The following DTNA variants were observed in gnomAD, a reference collection of about 807,000 sequenced individuals.
DTNA encodes the protein dystrobrevin alpha.
In DTNA, 43 loss-of-function variants were observed where a neutral mutation model predicts 100.7. That is an observed-to-expected ratio of 0.43 (90% CI 0.33 to 0.55). DTNA has a LOEUF of 0.55. Among genes scored for constraint, DTNA ranks in the 20% least tolerant of loss-of-function variants. The probability of loss-of-function intolerance (pLI) is 0.04; values close to 1 mark genes in which losing one functional copy is unlikely to be tolerated. For missense variants in DTNA, 798 were observed against 953.9 expected, an observed-to-expected ratio of 0.84 and a Z score of 2.15; for synonymous variants, 349 against 347.9, an observed-to-expected ratio of 1.00 and a Z score of -0.04.
At chr18:34,637,004 G>A (rs978752807) in intron 1 of DTNA, among the ~76,000 whole-genome samples, 1 of 152,116 alleles carries the variant, frequency 6.6e-6, no homozygotes, top group African/African-American at 2.4e-5. Context: ...AAGGACCCCA[G>A]AGAAGAGAGA....
chr18:34,770,173 T>C (rs74680603), intron 3 of DTNA, among the ~76,000 whole-genome samples: 1,720 of 152,272 alleles, frequency 0.011, 28 homozygotes, highest in African/African-American at 0.039. Flanking sequence ...ATTCAAACAA[T>C]AGCAGAAACT....
Position 34,829,485 on chromosome 18 carries a change from G to C in DTNA, c.1171G>C (p.Ala391Pro). The C allele has an allele frequency of 6.6e-7, 1 of 1,517,702 alleles. No homozygotes were observed. Among genetic ancestry groups the C allele is most frequent in the Non-Finnish European group, 8.8e-7 (1 of 1,133,300 alleles). The allele number at this position is 1,517,702 out of a possible 1,614,324, so 94.0% of individuals were successfully genotyped here. The part of the protein sequence containing the change: ...KLYVNQLDHG[A>P]RSPPKDSEVE... Reference sequence around the variant, plus strand: ...GTACGTAAATCAGCTTGATCACGGTGCACGGTCAGTATCCCAGCCCTGAAT... The same window carrying C: ...GTACGTAAATCAGCTTGATCACGGTCCACGGTCAGTATCCCAGCCCTGAAT... The change falls in exon 11 of 23, where the codon GCA (alanine) becomes CCA (proline). Residue 391 changes from alanine (A) to proline (P), a missense_variant. By Grantham distance (27) the Ala-to-Pro change is conservative (BLOSUM62 -1). This residue lies in a region of DTNA where 159 missense variants were observed against 201.2 expected (regional missense o/e 0.79). Coordinates refer to ENST00000444659, the MANE Select transcript of DTNA (RefSeq NM_001386795.1).
chr18:34,809,798 C>A (rs529945337), intron 5 of DTNA, among the ~76,000 whole-genome samples: 1 of 152,092 alleles, frequency 6.6e-6, no homozygotes, highest in Non-Finnish European at 1.5e-5. Flanking sequence ...ATTTTCTTAA[C>A]GCTTTAAAAT....
chr18:34,709,490 T>G (rs1389237322), upstream of DTNA: 1 of 152,144 alleles, frequency 6.6e-6, no homozygotes, highest in Non-Finnish European at 1.5e-5. Context: ...CTTCAGCTTT[T>G]CCCTAAAGGA....
At chr18:34,766,258 G>A (rs906807542) in intron 3 of DTNA, among the ~76,000 whole-genome samples, 11 of 152,098 alleles carry the variant, frequency 7.2e-5, no homozygotes, top group African/African-American at 4.8e-5. Context: ...CATATGAACC[G>A]TTTAGTTCAT....
At chr18:34,781,812 A>G (rs949174584) in intron 3 of DTNA, among the ~76,000 whole-genome samples, 4 of 152,242 alleles carry the variant, frequency 2.6e-5, no homozygotes, top group African/African-American at 9.6e-5. Flanking sequence ...AAAGTAATGC[A>G]GTTGCTACTT....
chr18:34,796,124 C>A (rs2094957683), intron 4 of DTNA, among the ~76,000 whole-genome samples: 1 of 152,338 alleles, frequency 6.6e-6, no homozygotes, highest in East Asian at 1.9e-4. Flanking sequence ...TCCACATAGA[C>A]AAATTTCACT....
intron 12 of DTNA, 117 bp from the exon 13 acceptor site, chr18:34,838,628 C>T: frequency 1.2e-6 from 1 of 832,686 alleles, no homozygotes; most frequent in Admixed American, 1.8e-5. Context: ...ACTACCCTTC[C>T]TTTACCTGCT....
rs113072494 is a variant in DTNA at position 34,875,271 on chromosome 18, C to T, written c.1776C>T (p.Pro592=). The T allele has an allele frequency of 4.1e-5, 66 of 1,614,038 alleles. 2 individuals are homozygous for T. The highest frequency in any genetic ancestry group is 1.2e-4 in the African/African-American group (9 of 74,920). The change falls in exon 18 of 23, where the codon CCC becomes CCT. Residue 592 remains proline, a synonymous_variant. Coordinates refer to ENST00000444659, the MANE Select transcript of DTNA (RefSeq NM_001386795.1). ...GGGCAGGCTCTCCCCGCTCCTCCCC[C>T]AGCCACACCATCAGCAGGCCAATTC... ...TQGAGSPRSS[P]SHTISRPIPM...
rs920993196 is a variant in DTNA at position 34,888,122 on chromosome 18, G to A, written c.*388G>A. 3 of 985,708 alleles carry A rather than the reference G, an allele frequency of 3.0e-6. No homozygotes were observed. Among genetic ancestry groups the A allele is most frequent in the Admixed American group, 6.2e-5 (1 of 16,256 alleles). The allele number at this position is 985,708 out of a possible 1,614,324, so 61.1% of individuals were successfully genotyped here. On this transcript the variant is annotated 3_prime_UTR_variant, in exon 23 of 23. Coordinates refer to ENST00000444659, the MANE Select transcript of DTNA (RefSeq NM_001386795.1). ...ACCCATGCTGCTGTTATACACAATG[G>A]CAGTATTAACAAGCATTTTAAACCT...
intron 18 of DTNA, among the ~76,000 whole-genome samples, chr18:34,876,522 A>G (rs1339889122): frequency 1.3e-5 from 2 of 152,236 alleles, no homozygotes; most frequent in African/African-American, 4.8e-5. Flanking sequence ...ATTGCCAATA[A>G]ATATATGAAA....
chr18:34,712,259 T>C (rs2083048992), intron 1 of DTNA, among the ~76,000 whole-genome samples: 1 of 152,136 alleles, frequency 6.6e-6, no homozygotes, highest in East Asian at 1.9e-4. Context: ...CCGCCGGTAC[T>C]GGAAAGGGTT....
At chr18:34,857,626 G>A (rs567452147) in intron 15 of DTNA, among the ~76,000 whole-genome samples, 1 of 152,214 alleles carries the variant, frequency 6.6e-6, no homozygotes, top group African/African-American at 2.4e-5. Flanking sequence ...GTATGTCACA[G>A]ACTCAATTAC....
At chr18:34,508,427 A>T (rs7235433) in intron 1 of DTNA, among the ~76,000 whole-genome samples, 14,382 of 152,210 alleles carry the variant, frequency 0.094, 770 homozygotes, top group Non-Finnish European at 0.12. Flanking sequence ...GTCATGTGAG[A>T]TTAAAGGACA....
At chr18:34,638,229 GA>G (rs2058863769) in intron 1 of DTNA, among the ~76,000 whole-genome samples, 1 of 152,180 alleles carries the variant, frequency 6.6e-6, no homozygotes, top group Non-Finnish European at 1.5e-5. Flanking sequence ...ACCCTAAGTG[GA>G]ATTATTGTTA....
At chr18:34,561,921 G>A (rs2146240184) in intron 1 of DTNA, among the ~76,000 whole-genome samples, 1 of 152,280 alleles carries the variant, frequency 6.6e-6, no homozygotes, top group Non-Finnish European at 1.5e-5. Context: ...AAGTGAGAAT[G>A]TTGTACCATG....
At chr18:34,838,433 T>C (rs1374918738) in intron 12 of DTNA, among the ~76,000 whole-genome samples, 1 of 152,236 alleles carries the variant, frequency 6.6e-6, no homozygotes, top group Non-Finnish European at 1.5e-5. Context: ...TAATCTTTGC[T>C]TGCAACCAAT....
At chr18:34,594,493 T>C (rs2050184681) in intron 1 of DTNA, among the ~76,000 whole-genome samples, 1 of 152,236 alleles carries the variant, frequency 6.6e-6, no homozygotes, top group Non-Finnish European at 1.5e-5. Context: ...CTGCTGACGC[T>C]GTTATTACAG....
Position 34,890,175 on chromosome 18 carries a change from A to AT in DTNA, c.*2444dup, listed in dbSNP as rs1477289059. On this transcript the variant is annotated 3_prime_UTR_variant, in exon 23 of 23. Coordinates refer to ENST00000444659, the MANE Select transcript of DTNA (RefSeq NM_001386795.1). ...GATAACCTTCCCCGTTGTCATAGCTATTTCATTGCCAACCAACTCCATCAC... is the reference window on the plus strand; with the variant it reads ...GATAACCTTCCCCGTTGTCATAGCTATTTTCATTGCCAACCAACTCCATCAC... 60 of 1,442,144 alleles carry AT rather than the reference A, an allele frequency of 4.2e-5. No homozygotes were observed. Among genetic ancestry groups the AT allele is most frequent in the Non-Finnish European group, 5.4e-5 (60 of 1,103,844 alleles). 89.3% of individuals were successfully genotyped at this position (1,442,144 alleles called of 1,614,324 possible).
Sources: allele counts gnomAD v4.1 joint callset (sites outside exome capture counted in the v4.1 genomes callset), GRCh38; gene constraint gnomAD v4.1.1; regional missense constraint gnomAD v4.1.1; transcripts MANE v1.5; gene names NCBI Gene and HGNC (gene_info 2026-07-23, HGNC 2026-07-21).